Variants in ACBD6 observed in about 807,000 individuals in gnomAD.
The protein encoded by ACBD6 is acyl-CoA-binding domain-containing protein 6.
ACBD6 carries 28 observed loss-of-function variants against 37.2 expected under a neutral mutation model. That is an observed-to-expected ratio of 0.75 (90% CI 0.56 to 1.03). ACBD6 has a LOEUF of 1.03. ACBD6 is among the 50% of genes least tolerant of loss of function. The pLI is 0.00. For synonymous variants in ACBD6, 113 were observed against 126.8 expected (o/e 0.89, Z 0.73); for missense variants, 340 against 337.4 (o/e 1.01, Z -0.06).
At chr1:180,275,484 C>T (rs916998807) in intron 9 of ACBD6, 2 of 152,244 alleles carry the variant, frequency 1.3e-5, no homozygotes, top group Admixed American at 6.5e-5. Context: ...TCCAAACCTG[C>T]AGTCTGTTCA....
At chr1:180,439,684 GT>G (rs1211735522) in intron 3 of ACBD6, among the ~76,000 whole-genome samples, 1 of 151,892 alleles carries the variant, frequency 6.6e-6, no homozygotes, top group African/African-American at 2.4e-5. Flanking sequence ...GTTTCTACCA[GT>G]TTATGGCCCA....
intron 6 of ACBD6, among the ~76,000 whole-genome samples, chr1:180,394,258 TA>T (rs570536760): frequency 4.0e-5 from 6 of 150,744 alleles, no homozygotes; most frequent in South Asian, 2.1e-4. Context: ...TACATCTAAT[TA>T]AAAAAAAATG....
At chr1:180,454,048 A>T (rs1329123552) in intron 3 of ACBD6, among the ~76,000 whole-genome samples, 1 of 152,208 alleles carries the variant, frequency 6.6e-6, no homozygotes, top group Non-Finnish European at 1.5e-5. Flanking sequence ...TGGAACCAAA[A>T]AAGAGCCCAT....
chr1:180,449,863 T>C (rs187807628), intron 3 of ACBD6, among the ~76,000 whole-genome samples: 2 of 151,680 alleles, frequency 1.3e-5, no homozygotes, highest in East Asian at 3.9e-4. Context: ...TTCACCTATG[T>C]AACAAACCTG....
chr1:180,443,060 A>G (rs1215622050), intron 3 of ACBD6, among the ~76,000 whole-genome samples: 3 of 152,078 alleles, frequency 2.0e-5, no homozygotes, highest in African/African-American at 7.3e-5. Flanking sequence ...ATTGTAATAA[A>G]TTTTACATTC....
chr1:180,337,564 A>C (rs1245215619), intron 6 of ACBD6, among the ~76,000 whole-genome samples: 3 of 152,158 alleles, frequency 2.0e-5, no homozygotes, highest in Non-Finnish European at 2.9e-5. Flanking sequence ...ATGGGCAAAA[A>C]CTGGAAGCAT....
At chr1:180,285,577 A>C (rs1270588416), downstream of ACBD6, among the ~76,000 whole-genome samples, 1 of 152,176 alleles carries the variant, frequency 6.6e-6, no homozygotes, top group African/African-American at 2.4e-5. Context: ...AAGTTTGATA[A>C]AAGCTTTCAT....
intron 5 of ACBD6, among the ~76,000 whole-genome samples, chr1:180,404,345 G>A (rs1464822311): frequency 6.6e-6 from 1 of 152,030 alleles, no homozygotes; most frequent in Non-Finnish European, 1.5e-5. Context: ...TTTTTATCAC[G>A]AGACGGGATC....
At chr1:180,343,365 A>G (rs1652051714) in intron 6 of ACBD6, among the ~76,000 whole-genome samples, 1 of 152,180 alleles carries the variant, frequency 6.6e-6, no homozygotes. Context: ...AAGTTTAAAG[A>G]CTCAGATTCT....
At chr1:180,462,537 TA>T (rs755564562) in intron 3 of ACBD6, among the ~76,000 whole-genome samples, 16 of 152,220 alleles carry the variant, frequency 1.1e-4, no homozygotes, top group Non-Finnish European at 2.1e-4. Flanking sequence ...CTAATTATCC[TA>T]AATATATATG....
chr1:180,278,060 A>G (rs1447476937), intron 9 of ACBD6: 1 of 152,190 alleles, frequency 6.6e-6, no homozygotes, highest in Non-Finnish European at 1.5e-5. Flanking sequence ...GCTTCTGATG[A>G]GCAAAGGCTG....
chr1:180,320,089 C>T (rs1012409201), intron 6 of ACBD6, among the ~76,000 whole-genome samples: 5 of 152,040 alleles, frequency 3.3e-5, no homozygotes, highest in Non-Finnish European at 7.4e-5. Context: ...AAACGGTTCT[C>T]CATAGTGGCT....
chr1:180,271,987 CAGTG>C, intron 13 of ACBD6: 1 of 1,612,698 alleles, frequency 6.2e-7, no homozygotes, highest in Non-Finnish European at 8.5e-7. Flanking sequence ...GGGTTAGTGA[CAGTG>C]AGCTGAGCTT....
At chr1:180,386,962 T>C (rs993066031) in intron 6 of ACBD6, among the ~76,000 whole-genome samples, 3 of 152,194 alleles carry the variant, frequency 2.0e-5, no homozygotes, top group Admixed American at 6.5e-5. Context: ...CTTGGTATGA[T>C]GAGTAATTTT....
intron 3 of ACBD6, among the ~76,000 whole-genome samples, chr1:180,449,321 G>A (rs1036801376): frequency 2.0e-5 from 3 of 151,800 alleles, no homozygotes; most frequent in Non-Finnish European, 2.9e-5. Context: ...TTGAAGCTAT[G>A]ATTCATTATC....
At chr1:180,454,909 T>C (rs1437089886) in intron 3 of ACBD6, among the ~76,000 whole-genome samples, 1 of 152,226 alleles carries the variant, frequency 6.6e-6, no homozygotes, top group Non-Finnish European at 1.5e-5. Context: ...GGAACACTTT[T>C]ACACTGTTGG....
At chr1:180,443,699 G>A (rs1649370966) in intron 3 of ACBD6, among the ~76,000 whole-genome samples, 2 of 151,788 alleles carry the variant, frequency 1.3e-5, no homozygotes, top group African/African-American at 2.4e-5. Context: ...TGCAAGCTCC[G>A]CCTCCTGGGT....
chr1:180,301,272 G>C lies in ACBD6; in HGVS notation c.695-12755C>G, dbSNP rs554981813. ...TACAGTTGAGTCTTGAACAACATGG[G>C]GGTTAGGTGTGCCAACTCCACATGA... On this transcript the variant is annotated intron_variant, in intron 7 of 7. Transcript: ENST00000367595. 3.3e-5 allele frequency among the ~76,000 whole-genome samples: 5 copies of C among 152,182 alleles called. No individual in the cohort carries two copies. In the South Asian group the frequency reaches 8.3e-4, roughly 25 times the overall value.
At chr1:180,474,406 G>A (rs1650703369) in intron 3 of ACBD6, among the ~76,000 whole-genome samples, 2 of 151,872 alleles carry the variant, frequency 1.3e-5, no homozygotes. Flanking sequence ...CCAAATAGCT[G>A]ATATTTAAAG....
Sources: allele counts gnomAD v4.1 joint callset (sites outside exome capture counted in the v4.1 genomes callset), GRCh38; gene constraint gnomAD v4.1.1; transcripts MANE v1.5; gene names NCBI Gene and HGNC (gene_info 2026-07-23, HGNC 2026-07-21).